The following NCAM1 variants were observed in gnomAD, a reference collection of about 807,000 sequenced individuals.
NCAM1 encodes neural cell adhesion molecule 1.
A neutral mutation model predicts 109.8 loss-of-function variants in NCAM1; 14 were observed. The observed-to-expected ratio is 0.13, with a 90% CI of 0.08 to 0.20. The LOEUF (loss-of-function observed/expected upper bound fraction) is 0.20. NCAM1 is among the 10% of genes least tolerant of loss of function. The pLI is 1.00. For missense variants in NCAM1, 774 were observed against 1,109.9 expected (o/e 0.70, Z 4.30); for synonymous variants, 418 against 442.9 (o/e 0.94, Z 0.70).
intron 1 of NCAM1, among the ~76,000 whole-genome samples, chr11:113,138,443 G>A (rs1555099866): frequency 6.6e-6 from 1 of 152,194 alleles, no homozygotes; most frequent in Non-Finnish European, 1.5e-5. Context: ...CAACAGCTCA[G>A]TGCTTTCAAA....
intron 1 of NCAM1, among the ~76,000 whole-genome samples, chr11:113,025,164 A>C (rs1017365845): frequency 1.3e-5 from 2 of 152,192 alleles, no homozygotes; most frequent in African/African-American, 2.4e-5. Context: ...AATAATTTAG[A>C]TATTTCTCAA....
chr11:113,046,273 C>T (rs1555080790), intron 1 of NCAM1, among the ~76,000 whole-genome samples: 1 of 152,126 alleles, frequency 6.6e-6, no homozygotes, highest in Admixed American at 6.5e-5. Flanking sequence ...AACGGAAAAG[C>T]AGAGAGGTCA....
At chr11:112,988,734 C>T in intron 1 of NCAM1, among the ~76,000 whole-genome samples, 1 of 142,908 alleles carries the variant, frequency 7.0e-6, no homozygotes, top group South Asian at 2.2e-4. Context: ...CTCTCTTTGT[C>T]TTTGACTTTC....
chr11:113,264,742 T>A, intron 17 of NCAM1: 1 of 985,446 alleles, frequency 1.0e-6, no homozygotes, highest in Non-Finnish European at 1.2e-6. Flanking sequence ...GACGTGGCCC[T>A]GTCATCTCAA....
intron 1 of NCAM1, among the ~76,000 whole-genome samples, chr11:113,021,124 A>G (rs1952371452): frequency 6.6e-6 from 1 of 152,210 alleles, no homozygotes; most frequent in African/African-American, 2.4e-5. Flanking sequence ...AGAAATTAAC[A>G]GTAATAATAG....
At chr11:113,252,799 C>CTTT (rs33948720) in intron 15 of NCAM1, among the ~76,000 whole-genome samples, 5,367 of 39,724 alleles carry the variant, frequency 0.14, 1,752 homozygotes, top group Non-Finnish European at 0.18. Flanking sequence ...CTATGCCCAG[C>CTTT]TTTTTTTTTT....
intron 1 of NCAM1, among the ~76,000 whole-genome samples, chr11:113,046,483 A>G (rs180717880): frequency 5.7e-4 from 87 of 152,346 alleles, no homozygotes; most frequent in Non-Finnish European, 1.1e-3. Context: ...CCTTAAATTG[A>G]AACATTACTT....
chr11:113,121,513 G>A lies in NCAM1; in HGVS notation c.53-80866G>A, dbSNP rs1555096038. The stretch of plus-strand genomic sequence containing the variant: ...TAAGATTACAGGCATGAGCCACTGT[G>A]CCTGGCCAACACCACCAATCTTACA... On this transcript the variant is annotated intron_variant, in intron 1 of 19. Coordinates refer to ENST00000316851, the MANE Select transcript of NCAM1 (RefSeq NM_181351.5). 2.4e-5 allele frequency among the ~76,000 whole-genome samples: 3 copies of A among 125,954 alleles called. No homozygotes were observed. The Admixed American group carries it at 3.0e-4, about 13-fold the overall frequency. The allele number at this position is 125,954 out of a possible 152,430, so 82.6% of individuals were successfully genotyped here. A position where few individuals can be genotyped will look rare whatever the true frequency, so the allele number is the denominator to read the frequency against.
At chr11:113,061,153 T>C (rs575325771) in intron 1 of NCAM1, among the ~76,000 whole-genome samples, 1 of 152,300 alleles carries the variant, frequency 6.6e-6, no homozygotes, top group African/African-American at 2.4e-5. Context: ...CACATTTAAA[T>C]GAGATCATAT....
At position 113,145,630 on chromosome 11, in the gene NCAM1, A is replaced by G. The variant is rs778515952; in HGVS notation, c.53-56749A>G. 2.3e-4 allele frequency among the ~76,000 whole-genome samples: 35 copies of G among 152,204 alleles called. 1 individual carries two copies. The highest frequency in any genetic ancestry group is 5.2e-4 in the Admixed American group (8 of 15,286). ...GTCTTCTTCATTGCTATACAATTAG[A>G]AAAAGGTTAGCTTTTAATATTTTCC... On this transcript the variant is annotated intron_variant, in intron 1 of 19. Transcript: ENST00000316851.
At chr11:113,240,830 G>T in intron 14 of NCAM1, 1 of 1,613,186 alleles carries the variant, frequency 6.2e-7, no homozygotes, top group South Asian at 1.1e-5. Context: ...GTCTCCACCA[G>T]ATAGTGAGTA....
At chr11:112,995,342 T>C (rs1399704718) in intron 1 of NCAM1, among the ~76,000 whole-genome samples, 2 of 152,342 alleles carry the variant, frequency 1.3e-5, no homozygotes, top group Middle Eastern at 6.8e-3. Context: ...GAGAAGTAGT[T>C]CTTCTAAATA....
At position 113,208,020 on chromosome 11, in the gene NCAM1, C is replaced by G; in HGVS notation, c.916+18C>G. On this transcript the variant is annotated intron_variant, in intron 7 of 19. Transcript: ENST00000316851. Reference sequence around the variant, plus strand: ...AGTCTTTGGTAGGGGCAGTGGGGGCCCAGGTCACTGCTCTGCCACAATTCC... The same window carrying G: ...AGTCTTTGGTAGGGGCAGTGGGGGCGCAGGTCACTGCTCTGCCACAATTCC... 6.3e-7 allele frequency: 1 copy of G among 1,595,874 alleles called. No homozygotes were observed. Among genetic ancestry groups the G allele is most frequent in the South Asian group, 1.1e-5 (1 of 87,998 alleles).
intron 19 of NCAM1, chr11:113,272,943 G>A (rs782136857): frequency 3.5e-5 from 16 of 456,514 alleles, no homozygotes; most frequent in Admixed American, 9.4e-5. Flanking sequence ...GCTGCCTGCC[G>A]ACACTACGGC....
chr11:113,040,410 C>G (rs1953033956), intron 1 of NCAM1, among the ~76,000 whole-genome samples: 2 of 152,122 alleles, frequency 1.3e-5, no homozygotes, highest in African/African-American at 2.4e-5. Context: ...AAAAAGGGGA[C>G]AGCAAACATT....
chr11:113,231,626 T>TCCCCC lies in NCAM1; in HGVS notation c.1090-16_1090-12dup. The TCCCCC allele has an allele frequency of 6.3e-7, 1 of 1,597,514 alleles. No homozygotes were observed. Among genetic ancestry groups the TCCCCC allele is most frequent in the Admixed American group, 1.7e-5 (1 of 59,760 alleles). On this transcript the variant is annotated intron_variant, in intron 9 of 19. Coordinates refer to ENST00000316851, the MANE Select transcript of NCAM1 (RefSeq NM_181351.5). ...TGCCTTGGGCTCTGACATGCTCCCTTCCCCCCCACCCCCGGCAGACTCTGG... is the reference window on the plus strand; with the variant it reads ...TGCCTTGGGCTCTGACATGCTCCCTTCCCCCCCCCCCCACCCCCGGCAGACTCTGG...
intron 1 of NCAM1, among the ~76,000 whole-genome samples, chr11:113,172,040 C>T (rs572751850): frequency 2.0e-5 from 3 of 152,162 alleles, no homozygotes; most frequent in Non-Finnish European, 4.4e-5. Context: ...GTTACCTGGA[C>T]AGTACCATAG....
At chr11:113,191,692 G>T (rs1943678001) in intron 1 of NCAM1, among the ~76,000 whole-genome samples, 1 of 146,144 alleles carries the variant, frequency 6.8e-6, no homozygotes, top group African/African-American at 2.6e-5. Flanking sequence ...TGGCACAGAA[G>T]ATAGATAGAG....
intron 1 of NCAM1, among the ~76,000 whole-genome samples, chr11:113,180,482 G>C (rs1735845130): frequency 6.6e-6 from 1 of 152,218 alleles, no homozygotes; most frequent in Admixed American, 6.5e-5. Flanking sequence ...GATACTAAAA[G>C]AATTATAAGG....
Sources: gnomAD v4.1 joint callset for allele counts (sites outside exome capture counted in the v4.1 genomes callset) on GRCh38, gnomAD v4.1.1 for gene constraint, MANE v1.5 for transcripts, NCBI Gene and HGNC (gene_info 2026-07-23, HGNC 2026-07-21) for gene names.